GABRR2: variants seen among roughly 807,000 people sequenced by gnomAD.
The protein encoded by GABRR2 is gamma-aminobutyric acid receptor subunit rho-2.
Under a neutral mutation model 47.0 loss-of-function variants are expected in GABRR2, and 36 were observed. That is an observed-to-expected ratio of 0.77 (90% CI 0.59 to 1.01). GABRR2 has a LOEUF of 1.01. Ranked by LOEUF, GABRR2 falls within the 50% of genes least tolerant of loss-of-function variation. The pLI, the probability that GABRR2 is intolerant of heterozygous loss-of-function variation, is 0.00. For missense variants in GABRR2, 587 were observed against 594.6 expected, an observed-to-expected ratio of 0.99 and a Z score of 0.13; for synonymous variants, 204 against 227.5, an observed-to-expected ratio of 0.90 and a Z score of 0.93.
intron 2 of GABRR2, among the ~76,000 whole-genome samples, chr6:89,285,748 C>T (rs1305460724): frequency 2.0e-5 from 3 of 152,036 alleles, no homozygotes; most frequent in Admixed American, 6.5e-5. Context: ...TCCTGGTGGC[C>T]GCTTCCTTTT....
chr6:89,308,316 A>T (rs1767608114), intron 1 of GABRR2, among the ~76,000 whole-genome samples: 1 of 152,128 alleles, frequency 6.6e-6, no homozygotes, highest in Non-Finnish European at 1.5e-5. Context: ...GCCACTAGAC[A>T]CATATGGCTA....
At chr6:89,263,039 T>G (rs1341342109) in intron 8 of GABRR2, among the ~76,000 whole-genome samples, 1 of 152,224 alleles carries the variant, frequency 6.6e-6, no homozygotes, top group African/African-American at 2.4e-5. Context: ...GTATTCTGTC[T>G]CATAGTTTGC....
At position 89,292,759 on chromosome 6, in the gene GABRR2, ATACGATATATCGTATATATC is replaced by A. The variant is rs1270660247; in HGVS notation, c.220+6980_220+6999del. Reference sequence around the variant, plus strand: ...TCATATATAATCGTATATATCGTATATACGATATATCGTATATATCGTATATACGATATATCGTATATATC... The same window carrying A: ...TCATATATAATCGTATATATCGTATAGTATATACGATATATCGTATATATC... On this transcript the variant is annotated intron_variant, in intron 2 of 8. Transcript: ENST00000402938. Among the ~76,000 whole-genome samples, 447 of 55,910 alleles carry A rather than the reference ATACGATATATCGTATATATC, an allele frequency of 8.0e-3. 38 individuals are homozygous for A. Among genetic ancestry groups the A allele is most frequent in the African/African-American group, 0.033 (407 of 12,338 alleles). 36.7% of individuals were successfully genotyped at this position (55,910 alleles called of 152,430 possible).
Position 89,275,275 on chromosome 6 carries a change from C to CT in GABRR2, c.221-3554dup, listed in dbSNP as rs527357668. Among the ~76,000 whole-genome samples, 291 of 152,108 alleles carry CT rather than the reference C, an allele frequency of 1.9e-3. 1 individual carries two copies. The highest frequency in any genetic ancestry group is 6.6e-3 in the African/African-American group (274 of 41,494). ...AATTGGACAAAAATAGAAAAATTTA[C>CT]TTTTTTTTCTGTTTTTAAGACAAAG... On this transcript the variant is annotated intron_variant, in intron 2 of 8. Coordinates refer to ENST00000402938, the MANE Select transcript of GABRR2 (RefSeq NM_002043.5).
chr6:89,255,596 G>A lies in GABRR2; in HGVS notation c.*2074C>T, dbSNP rs376363295. 1.8e-4 allele frequency among the ~76,000 whole-genome samples: 27 copies of A among 152,200 alleles called. No homozygotes were observed. The East Asian group carries it at 3.1e-3, about 17-fold the overall frequency. On this transcript the variant is annotated 3_prime_UTR_variant, in exon 9 of 9. Coordinates refer to ENST00000402938, the MANE Select transcript of GABRR2 (RefSeq NM_002043.5). ...TGGGGAAGCTGTCCTCATAAGCACC[G>A]GCATGGTGGGGACCTGCCTTGATCC...
chr6:89,275,873 G>T (rs993894319), intron 2 of GABRR2, among the ~76,000 whole-genome samples: 10 of 152,038 alleles, frequency 6.6e-5, no homozygotes. Flanking sequence ...TGTAGGGTTC[G>T]CAGCTTAAAT....
chr6:89,271,861 G>T (rs1465093409), intron 2 of GABRR2, 139 bp from the exon 3 acceptor site: 1 of 672,472 alleles, frequency 1.5e-6, no homozygotes, highest in East Asian at 2.8e-5. Flanking sequence ...AGGGTTTCTT[G>T]CTGGTTCCTG....
chr6:89,312,041 G>A (rs1403936207), intron 1 of GABRR2, among the ~76,000 whole-genome samples: 1 of 152,208 alleles, frequency 6.6e-6, no homozygotes, highest in Admixed American at 6.5e-5. Flanking sequence ...TAGGGGTAGT[G>A]AGGAGGCAGC....
intron 2 of GABRR2, among the ~76,000 whole-genome samples, chr6:89,296,837 C>G (rs1414497036): frequency 6.6e-6 from 1 of 152,204 alleles, no homozygotes; most frequent in Non-Finnish European, 1.5e-5. Context: ...AGAGCTAGCT[C>G]CTGGTGGGAG....
Position 89,311,879 on chromosome 6 carries a change from G to A in GABRR2, c.113+3174C>T, listed in dbSNP as rs972395952. Among the ~76,000 whole-genome samples the A allele has an allele frequency of 1.2e-4, 18 of 152,188 alleles. 1 individual carries two copies. The highest frequency in any genetic ancestry group is 4.3e-4 in the African/African-American group (18 of 41,456). On this transcript the variant is annotated intron_variant, in intron 1 of 8. Coordinates refer to ENST00000402938, the MANE Select transcript of GABRR2 (RefSeq NM_002043.5). ...ATACGCTAGATGGCGGCAGAACCAA[G>A]GTCTGAACCTGATTTTCCTGAATTC...
At chr6:89,273,377 C>T (rs12203756) in intron 2 of GABRR2, among the ~76,000 whole-genome samples, 21,131 of 152,164 alleles carry the variant, frequency 0.14, 1,892 homozygotes, top group South Asian at 0.22. Flanking sequence ...GAATTACAGG[C>T]GCCTGCCACC....
intron 1 of GABRR2, among the ~76,000 whole-genome samples, chr6:89,300,491 T>C (rs1409619436): frequency 6.8e-6 from 1 of 148,040 alleles, no homozygotes; most frequent in Non-Finnish European, 1.5e-5. Context: ...AGAGTGAGAC[T>C]CTGTCGCAAA....
intron 1 of GABRR2, among the ~76,000 whole-genome samples, chr6:89,310,264 C>T (rs1767658049): frequency 6.6e-6 from 1 of 152,172 alleles, no homozygotes; most frequent in South Asian, 2.1e-4. Flanking sequence ...ACTCCAAGCC[C>T]TCTTGCCTAC....
At chr6:89,303,147 C>T (rs1244439131) in intron 1 of GABRR2, 8 of 463,156 alleles carry the variant, frequency 1.7e-5, no homozygotes, top group East Asian at 5.8e-5. Context: ...GGGCAGGTGG[C>T]GCCGGTGCCA....
intron 1 of GABRR2, among the ~76,000 whole-genome samples, chr6:89,314,474 C>G (rs1209146503): frequency 6.6e-6 from 1 of 152,222 alleles, no homozygotes; most frequent in Non-Finnish European, 1.5e-5. Flanking sequence ...TCCATTACAT[C>G]ATGAAATTGC....
chr6:89,300,737 G>T (rs1043495172), intron 1 of GABRR2, among the ~76,000 whole-genome samples: 1 of 71,060 alleles, frequency 1.4e-5, no homozygotes, highest in South Asian at 5.3e-4. Context: ...AATAAATAGC[G>T]TACCAACCAA....
chr6:89,259,567 G>A (rs1023960099), intron 8 of GABRR2, among the ~76,000 whole-genome samples: 12 of 151,522 alleles, frequency 7.9e-5, no homozygotes, highest in East Asian at 3.9e-4. Context: ...GCAGTGGCTC[G>A]ATCTCGGCTC....
At chr6:89,290,066 A>G (rs1410459380) in intron 2 of GABRR2, among the ~76,000 whole-genome samples, 1 of 152,112 alleles carries the variant, frequency 6.6e-6, no homozygotes, top group Non-Finnish European at 1.5e-5. Flanking sequence ...GCGCTCCATG[A>G]CCCAAACACC....
At chr6:89,282,642 G>T (rs1197796298) in intron 2 of GABRR2, among the ~76,000 whole-genome samples, 1 of 152,220 alleles carries the variant, frequency 6.6e-6, no homozygotes, top group Admixed American at 6.5e-5. Flanking sequence ...TTTGTTGTTT[G>T]GGAGAAAGTG....
Sources: gnomAD v4.1 joint callset for allele counts (sites outside exome capture counted in the v4.1 genomes callset) on GRCh38, gnomAD v4.1.1 for gene constraint, MANE v1.5 for transcripts, NCBI Gene and HGNC (gene_info 2026-07-23, HGNC 2026-07-21) for gene names.